The following ZNF483 variants were observed in gnomAD, a reference collection of about 807,000 sequenced individuals.
The protein encoded by ZNF483 is zinc finger protein 483.
ZNF483 carries 9 observed loss-of-function variants against 28.6 expected under a neutral mutation model. That is an observed-to-expected ratio of 0.32 (90% CI 0.19 to 0.55). The LOEUF is 0.55. ZNF483 is among the 20% of genes least tolerant of loss of function. The pLI is 0.93. For synonymous variants in ZNF483, 322 were observed against 306.2 expected, an observed-to-expected ratio of 1.05 and a Z score of -0.54; for missense variants, 675 against 871.7, an observed-to-expected ratio of 0.77 and a Z score of 2.84.
In ZNF483 at chr9:111,551,882, T is replaced by G. The variant is rs551964809; in HGVS notation, c.*8712T>G. Among the ~76,000 whole-genome samples the G allele has an allele frequency of 8.5e-5, 13 of 152,332 alleles. No individual in the cohort carries two copies. The highest frequency in any genetic ancestry group is 1.5e-4 in the Non-Finnish European group (10 of 68,024). On this transcript the variant is annotated 3_prime_UTR_variant, in exon 6 of 6. Coordinates refer to ENST00000309235, the MANE Select transcript of ZNF483 (RefSeq NM_133464.5). ...GCATAAATGGAAACAAAACAGTTTA[T>G]CAATACAATATATCATTCTTCAGAT...
Position 111,553,717 on chromosome 9 carries a change from C to G in ZNF483, c.*10547C>G, listed in dbSNP as rs541396329. Among the ~76,000 whole-genome samples, 151 of 152,292 alleles carry G rather than the reference C, an allele frequency of 9.9e-4. No homozygotes were observed. Among genetic ancestry groups the G allele is most frequent in the African/African-American group, 3.2e-3 (133 of 41,560 alleles). On this transcript the variant is annotated 3_prime_UTR_variant, in exon 6 of 6. Transcript: ENST00000309235. The stretch of plus-strand genomic sequence containing the variant: ...TTGTAGTTCTATCAAAATAAAGATA[C>G]GTTTAGTGGAAAAGTATTTGACTCT...
intron 5 of ZNF483, chr9:111,574,620 A>G: frequency 4.3e-6 from 3 of 699,434 alleles, no homozygotes; most frequent in South Asian, 4.7e-5. Context: ...AAAAAAAAAA[A>G]GAATATATGA....
Position 111,533,874 on chromosome 9 carries a change from A to G in ZNF483, c.628+9A>G. The G allele has an allele frequency of 6.3e-7, 1 of 1,588,016 alleles. No individual in the cohort carries two copies. Among genetic ancestry groups the G allele is most frequent in the Non-Finnish European group, 8.5e-7 (1 of 1,173,678 alleles). On this transcript the variant is annotated intron_variant, in intron 4 of 5. Coordinates refer to ENST00000309235, the MANE Select transcript of ZNF483 (RefSeq NM_133464.5). ...GAACCTAGAATTTCTGGGTAAAGAC[A>G]CCTTTTCTTCATTACCTAGCGTTTA... is the stretch of plus-strand genomic sequence containing the variant.
chr9:111,569,812 C>G, intron 5 of ZNF483: 1 of 411,624 alleles, frequency 2.4e-6, no homozygotes, highest in South Asian at 2.4e-5. Context: ...GAATGGCAGA[C>G]AGTGAGTGTA....
intron 5 of ZNF483, among the ~76,000 whole-genome samples, chr9:111,571,319 G>C (rs976940034): frequency 6.7e-6 from 1 of 149,686 alleles, no homozygotes; most frequent in Non-Finnish European, 1.5e-5. Flanking sequence ...GGCTGAGGCA[G>C]GAGAATCGCT....
chr9:111,535,560 C>G (rs906019571), intron 5 of ZNF483, among the ~76,000 whole-genome samples: 3 of 152,118 alleles, frequency 2.0e-5, no homozygotes, highest in Admixed American at 6.5e-5. Context: ...GTTTTGTTTT[C>G]TTGAGATGGA....
intron 5 of ZNF483, among the ~76,000 whole-genome samples, chr9:111,569,185 G>A (rs1828702246): frequency 1.3e-5 from 2 of 152,126 alleles, no homozygotes; most frequent in African/African-American, 4.8e-5. Context: ...GATAGAGATG[G>A]GAACTCCCAG....
chr9:111,528,668 T>G (rs1330564978), intron 2 of ZNF483, among the ~76,000 whole-genome samples: 1 of 152,178 alleles, frequency 6.6e-6, no homozygotes, highest in Admixed American at 6.5e-5. Context: ...TGTGTGACAG[T>G]TTGTATTCTG....
intron 5 of ZNF483, chr9:111,574,806 T>A: frequency 6.2e-7 from 1 of 1,613,900 alleles, no homozygotes; most frequent in Non-Finnish European, 8.5e-7. Context: ...AATTTCTTCA[T>A]CTGGCCGATA....
At chr9:111,566,412 A>G (rs943099910) in intron 5 of ZNF483, among the ~76,000 whole-genome samples, 1 of 152,184 alleles carries the variant, frequency 6.6e-6, no homozygotes, top group African/African-American at 2.4e-5. Flanking sequence ...CTATACTGGG[A>G]AGAGTGCCAA....
chr9:111,563,847 T>C (rs561019804), intron 5 of ZNF483: 1 of 152,486 alleles, frequency 6.6e-6, no homozygotes, highest in African/African-American at 2.4e-5. Context: ...TAAAGTTTAA[T>C]AACACAATGA....
intron 5 of ZNF483, among the ~76,000 whole-genome samples, chr9:111,561,818 C>T (rs999853908): frequency 7.9e-5 from 12 of 151,938 alleles, no homozygotes; most frequent in African/African-American, 1.7e-4. Flanking sequence ...TCACTGATAT[C>T]GGCAGGGAGG....
At chr9:111,538,167 A>G (rs540829538) in intron 5 of ZNF483, among the ~76,000 whole-genome samples, 32 of 151,552 alleles carry the variant, frequency 2.1e-4, no homozygotes, top group Non-Finnish European at 4.3e-4. Flanking sequence ...GTTTGTCTGC[A>G]AGTTTTTTCA....
At chr9:111,576,494 C>A in exon 6 of ZNF483, 1 of 1,587,072 alleles carries the variant, frequency 6.3e-7, no homozygotes, top group Non-Finnish European at 8.6e-7. Flanking sequence ...GTTCAAGAGG[C>A]TCTGGTTCGG....
rs796239967 is a variant in ZNF483 at position 111,549,227 on chromosome 9, G to T, written c.*6057G>T. ...GTTTTCCCCTCGGAATAGTTTATCA[G>T]ATGAGGAATTTCTTGATCACTGGGG... is the stretch of plus-strand genomic sequence containing the variant. On this transcript the variant is annotated 3_prime_UTR_variant, in exon 6 of 6. Transcript: ENST00000309235. Among the ~76,000 whole-genome samples, 1 of 152,164 alleles carries T rather than the reference G, an allele frequency of 6.6e-6. No individual in the cohort carries two copies. The highest frequency in any genetic ancestry group is 2.4e-5 in the African/African-American group (1 of 41,418).
intron 5 of ZNF483, among the ~76,000 whole-genome samples, chr9:111,566,893 C>T (rs1828585230): frequency 6.6e-6 from 1 of 151,900 alleles, no homozygotes. Flanking sequence ...AGGATAGGAG[C>T]CTGGGCAACA....
rs1424773906 is a variant in ZNF483 at position 111,530,800 on chromosome 9, TACATATATATATATAA to T, written c.413-74_413-59del. 272 of 56,428 alleles carry T rather than the reference TACATATATATATATAA, an allele frequency of 4.8e-3. 7 individuals carry two copies. The highest frequency in any genetic ancestry group is 0.045 in the East Asian group (130 of 2,918). The allele number at this position is 56,428 out of a possible 1,614,324, so 3.5% of individuals were successfully genotyped here. The stretch of plus-strand genomic sequence containing the variant: ...ATATATATATATATATATATATATA[TACATATATATATATAA>T]GATTTTTAGTCTGAGGAATCTGTAT... On this transcript the variant is annotated intron_variant, in intron 2 of 5. Coordinates refer to ENST00000309235, the MANE Select transcript of ZNF483 (RefSeq NM_133464.5).
chr9:111,564,286 AT>A, intron 5 of ZNF483: 1 of 490,118 alleles, frequency 2.0e-6, no homozygotes, highest in Non-Finnish European at 2.7e-6. Flanking sequence ...TTTTATTATT[AT>A]TATTATTATT....
downstream of ZNF483, among the ~76,000 whole-genome samples, chr9:111,559,274 G>C (rs138680420): frequency 1.3e-3 from 191 of 152,040 alleles, no homozygotes; most frequent in African/African-American, 4.5e-3. Context: ...TCCTTACTTT[G>C]GGCCCTTAAA....
Sources: allele counts gnomAD v4.1 joint callset (sites outside exome capture counted in the v4.1 genomes callset), GRCh38; gene constraint gnomAD v4.1.1; transcripts MANE v1.5; gene names NCBI Gene and HGNC (gene_info 2026-07-23, HGNC 2026-07-21).